The following ADGRL2 variants were observed in gnomAD, a reference collection of about 807,000 sequenced individuals.
ADGRL2 encodes calcium-independent alpha-latrotoxin receptor 2.
Under a neutral mutation model 157.4 loss-of-function variants are expected in ADGRL2, and 44 were observed. The observed-to-expected ratio is 0.28, with a 90% confidence interval of 0.22 to 0.36. The LOEUF is 0.36. ADGRL2 is among the 10% of genes least tolerant of loss of function. ADGRL2 has a pLI of 1.00. For synonymous variants in ADGRL2, 585 were observed against 624.7 expected, an observed-to-expected ratio of 0.94 and a Z score of 0.95; for missense variants, 1,510 against 1,768.9, an observed-to-expected ratio of 0.85 and a Z score of 2.63.
chr1:81,722,081 A>C (rs2084346623), intron 1 of ADGRL2: 2 of 380,586 alleles, frequency 5.3e-6, no homozygotes, highest in Non-Finnish European at 1.0e-5. Context: ...TCACGAGGTC[A>C]GGAGATCGAG....
At chr1:81,747,428 G>A (rs1224450992) in intron 1 of ADGRL2, among the ~76,000 whole-genome samples, 2 of 151,544 alleles carry the variant, frequency 1.3e-5, no homozygotes, top group Non-Finnish European at 2.9e-5. Context: ...AGCCTCCCAA[G>A]TAGCTGGGAT....
chr1:81,407,339 C>T (rs570745812), intron 1 of ADGRL2, among the ~76,000 whole-genome samples: 3 of 152,184 alleles, frequency 2.0e-5, no homozygotes, highest in Admixed American at 1.3e-4. Context: ...CACCCCCTCC[C>T]GCAAACACCA....
Position 81,690,473 on chromosome 1 carries a change from G to A in ADGRL2, c.-142-71338G>A, listed in dbSNP as rs370585010. On this transcript the variant is annotated intron_variant, in intron 3 of 24. Coordinates refer to the ADGRL2 transcript ENST00000370721. Reference sequence around the variant, plus strand: ...ATCTCACCACTGCACTCCAGCCTGGGTGACAGAATAAGACTCTGTCTCAAG... The same window carrying A: ...ATCTCACCACTGCACTCCAGCCTGGATGACAGAATAAGACTCTGTCTCAAG... 3.4e-4 allele frequency among the ~76,000 whole-genome samples: 52 copies of A among 152,300 alleles called. No homozygotes were observed. The East Asian group carries it at 8.1e-3, about 24-fold the overall frequency.
intron 3 of ADGRL2, among the ~76,000 whole-genome samples, chr1:81,584,626 G>T (rs768213773): frequency 1.3e-5 from 2 of 151,936 alleles, no homozygotes; most frequent in Non-Finnish European, 2.9e-5. Context: ...TTTGGCAATC[G>T]CGCTTTTCTT....
At chr1:81,347,399 A>C (rs1340038213) in intron 1 of ADGRL2, among the ~76,000 whole-genome samples, 1 of 147,990 alleles carries the variant, frequency 6.8e-6, no homozygotes, top group Non-Finnish European at 1.5e-5. Context: ...AGACTGTTTC[A>C]AAAAAAAAAA....
chr1:81,544,000 C>T (rs970468201), intron 2 of ADGRL2, among the ~76,000 whole-genome samples: 2 of 152,092 alleles, frequency 1.3e-5, no homozygotes, highest in Non-Finnish European at 2.9e-5. Flanking sequence ...CACTTCCTTC[C>T]AGTCATTTGC....
chr1:81,367,118 C>T (rs2076079797), intron 1 of ADGRL2, among the ~76,000 whole-genome samples: 1 of 152,216 alleles, frequency 6.6e-6, no homozygotes, highest in Non-Finnish European at 1.5e-5. Context: ...CCTGCTAGCC[C>T]TGTTCTTCTT....
intron 2 of ADGRL2, among the ~76,000 whole-genome samples, chr1:81,565,365 A>T (rs1286539900): frequency 6.6e-6 from 1 of 152,248 alleles, no homozygotes; most frequent in Non-Finnish European, 1.5e-5. Flanking sequence ...CTATCTTATT[A>T]GAGCAATAAA....
intron 2 of ADGRL2, among the ~76,000 whole-genome samples, chr1:81,551,899 C>A (rs1166875373): frequency 6.6e-6 from 1 of 152,176 alleles, no homozygotes; most frequent in African/African-American, 2.4e-5. Context: ...TTGAAATACT[C>A]CCCGGATTAA....
intron 3 of ADGRL2, among the ~76,000 whole-genome samples, chr1:81,922,709 A>C (rs887557066): frequency 2.0e-5 from 3 of 152,164 alleles, no homozygotes; most frequent in African/African-American, 7.2e-5. Context: ...TAAAACCAGC[A>C]TCACAGATGA....
At chr1:81,857,949 G>T (rs138775800) in intron 2 of ADGRL2, among the ~76,000 whole-genome samples, 1,949 of 151,752 alleles carry the variant, frequency 0.013, 50 homozygotes, top group African/African-American at 0.045. Context: ...TTGTTAAATT[G>T]ATATTTTTAG....
At chr1:81,435,859 G>A (rs971487642) in intron 1 of ADGRL2, among the ~76,000 whole-genome samples, 4 of 152,206 alleles carry the variant, frequency 2.6e-5, no homozygotes, top group Non-Finnish European at 5.9e-5. Context: ...CACTTTGGGA[G>A]TCTGAGGCAG....
chr1:81,878,312 A>T (rs546659155), intron 2 of ADGRL2, among the ~76,000 whole-genome samples: 1 of 151,054 alleles, frequency 6.6e-6, no homozygotes, highest in East Asian at 2.0e-4. Flanking sequence ...TTATATGAGA[A>T]GAATTGATAG....
chr1:81,976,327 A>T (rs986510764), intron 17 of ADGRL2, among the ~76,000 whole-genome samples: 2 of 152,004 alleles, frequency 1.3e-5, no homozygotes, highest in Non-Finnish European at 2.9e-5. Context: ...GTCCTCTTCC[A>T]CATACCATTG....
chr1:81,937,799 C>G (rs1277184439), intron 4 of ADGRL2, among the ~76,000 whole-genome samples: 2 of 151,766 alleles, frequency 1.3e-5, no homozygotes, highest in African/African-American at 4.8e-5. Context: ...TGAAACTGCT[C>G]TTTCCAGAAC....
At chr1:81,879,270 C>T (rs1450221817) in intron 2 of ADGRL2, among the ~76,000 whole-genome samples, 6 of 150,118 alleles carry the variant, frequency 4.0e-5, no homozygotes, top group South Asian at 2.1e-4. Context: ...GAGTAATTAG[C>T]GAGCAAGCTC....
At chr1:81,751,480 T>A (rs776082309) in intron 1 of ADGRL2, among the ~76,000 whole-genome samples, 1 of 152,170 alleles carries the variant, frequency 6.6e-6, no homozygotes, top group East Asian at 1.9e-4. Flanking sequence ...ACAAGGAGCA[T>A]CTTACAAAAC....
At chr1:81,423,469 G>C (rs1418137709) in intron 1 of ADGRL2, among the ~76,000 whole-genome samples, 1 of 152,092 alleles carries the variant, frequency 6.6e-6, no homozygotes, top group East Asian at 1.9e-4. Context: ...AATGTTCACT[G>C]GTTAAGTGAG....
chr1:81,891,135 A>G lies in ADGRL2; in HGVS notation c.74-15882A>G, dbSNP rs139133739. Among the ~76,000 whole-genome samples the G allele has an allele frequency of 3.5e-3, 531 of 151,940 alleles. 3 individuals are homozygous for G. The highest frequency in any genetic ancestry group is 6.2e-3 in the Non-Finnish European group (421 of 67,918). On this transcript the variant is annotated intron_variant, in intron 2 of 23. Transcript: ENST00000686636. Reference sequence around the variant, plus strand: ...TTAGTCTTTTACATACTTTTCTGGGAACCCATTCCCAAATCACTAAATATT... The same window carrying G: ...TTAGTCTTTTACATACTTTTCTGGGGACCCATTCCCAAATCACTAAATATT...
Sources: gnomAD v4.1 joint callset for allele counts (sites outside exome capture counted in the v4.1 genomes callset) on GRCh38, gnomAD v4.1.1 for gene constraint, MANE v1.5 for transcripts, NCBI Gene and HGNC (gene_info 2026-07-23, HGNC 2026-07-21) for gene names.